Variants in CLPB observed in about 807,000 individuals in gnomAD.
CLPB encodes mitochondrial disaggregase.
Under a neutral mutation model 78.4 loss-of-function variants are expected in CLPB, and 40 were observed. The observed-to-expected ratio is 0.51, with a 90% CI of 0.40 to 0.66. The LOEUF (loss-of-function observed/expected upper bound fraction) is 0.66, where lower values mean the gene tolerates loss of function less well. CLPB is among the 30% of genes least tolerant of loss of function. The pLI is 0.00. For missense variants in CLPB, 780 were observed against 886.9 expected (o/e 0.88, Z 1.53); for synonymous variants, 333 against 348.0 (o/e 0.96, Z 0.48).
intron 3 of CLPB, among the ~76,000 whole-genome samples, chr11:72,400,332 T>A (rs1855525818): frequency 6.6e-6 from 1 of 152,178 alleles, no homozygotes; most frequent in Non-Finnish European, 1.5e-5. Flanking sequence ...ACAAAATGGA[T>A]AATTAGTCCT....
chr11:72,402,731 C>T (rs554345101), intron 3 of CLPB, among the ~76,000 whole-genome samples: 20 of 152,336 alleles, frequency 1.3e-4, no homozygotes, highest in Middle Eastern at 3.4e-3. Context: ...ATGCAAATGA[C>T]GTGCCTAAGG....
At chr11:72,414,087 T>C (rs1199304651) in intron 2 of CLPB, among the ~76,000 whole-genome samples, 1 of 152,146 alleles carries the variant, frequency 6.6e-6, no homozygotes, top group African/African-American at 2.4e-5. Flanking sequence ...GAAGCACAGA[T>C]TCCCAGAGTG....
At chr11:72,335,274 C>G (rs1353776442) in intron 5 of CLPB, among the ~76,000 whole-genome samples, 2 of 152,222 alleles carry the variant, frequency 1.3e-5, no homozygotes, top group African/African-American at 2.4e-5. Context: ...GAGCCCACTC[C>G]TCTTCTCTGG....
intron 2 of CLPB, among the ~76,000 whole-genome samples, chr11:72,413,316 C>A (rs1855931767): frequency 6.6e-6 from 1 of 151,640 alleles, no homozygotes; most frequent in Non-Finnish European, 1.5e-5. Flanking sequence ...GACAAAAAAA[C>A]AAATAAATAA....
chr11:72,402,878 A>C (rs1476753411), intron 3 of CLPB, 88 bp downstream of exon 3: 2 of 1,036,668 alleles, frequency 1.9e-6, no homozygotes, highest in African/African-American at 3.1e-5. Context: ...AAAAGACAGC[A>C]GGGAGGCACA....
At chr11:72,390,620 A>G (rs1855226438) in intron 3 of CLPB, among the ~76,000 whole-genome samples, 1 of 152,214 alleles carries the variant, frequency 6.6e-6, no homozygotes, top group African/African-American at 2.4e-5. Context: ...TTAAAATGAG[A>G]TATCACTGTA....
chr11:72,379,517 C>G (rs1178653024), intron 4 of CLPB, among the ~76,000 whole-genome samples: 1 of 152,150 alleles, frequency 6.6e-6, no homozygotes, highest in East Asian at 1.9e-4. Flanking sequence ...TGAGGCACCC[C>G]CCAACAGACA....
chr11:72,413,323 A>G lies in CLPB; in HGVS notation c.456-10271T>C, dbSNP rs72970615. ...AAAACAAAGACAAAAAAACAAATAA[A>G]TAAATAGCCTTCACTCATATCCTGT... On this transcript the variant is annotated intron_variant, in intron 2 of 15. Transcript: ENST00000538039. 8.4e-3 allele frequency among the ~76,000 whole-genome samples: 1,280 copies of G among 152,098 alleles called. 6 individuals carry two copies. Among genetic ancestry groups the G allele is most frequent in the Non-Finnish European group, 0.012 (835 of 67,960 alleles).
intron 4 of CLPB, 104 bp from the exon 5 acceptor site, chr11:72,359,112 C>T (rs758749012): frequency 6.4e-7 from 1 of 1,570,092 alleles, no homozygotes; most frequent in Non-Finnish European, 8.7e-7. Context: ...CATCTACCTA[C>T]TTACTAAGCA....
intron 7 of CLPB, among the ~76,000 whole-genome samples, chr11:72,315,912 C>A (rs1394879185): frequency 3.3e-5 from 5 of 152,158 alleles, no homozygotes; most frequent in Admixed American, 1.3e-4. Context: ...AAGTTCTGAC[C>A]CAGAGAGTGC....
chr11:72,391,581 G>C (rs2135047775), intron 3 of CLPB, among the ~76,000 whole-genome samples: 1 of 152,364 alleles, frequency 6.6e-6, no homozygotes, highest in Admixed American at 6.5e-5. Flanking sequence ...TAATTTATTT[G>C]ATGGAAAATG....
intron 2 of CLPB, among the ~76,000 whole-genome samples, chr11:72,404,253 T>C (rs1475626891): frequency 6.6e-6 from 1 of 152,146 alleles, no homozygotes; most frequent in African/African-American, 2.4e-5. Flanking sequence ...CAAGACAGCA[T>C]ATCAAAGAAC....
chr11:72,316,876 T>C (rs960108951), intron 7 of CLPB, among the ~76,000 whole-genome samples: 6 of 152,200 alleles, frequency 3.9e-5, no homozygotes, highest in African/African-American at 1.4e-4. Flanking sequence ...TTCTGTGTCT[T>C]GGCTTCCTCA....
intron 7 of CLPB, among the ~76,000 whole-genome samples, chr11:72,309,841 T>C (rs1242111000): frequency 6.6e-6 from 1 of 152,152 alleles, no homozygotes; most frequent in African/African-American, 2.4e-5. Context: ...AGCTAAGGGA[T>C]AGATGTCAGA....
chr11:72,329,843 G>C (rs573466846), intron 5 of CLPB, 39 bp from the exon 6 acceptor site: 4 of 1,502,326 alleles, frequency 2.7e-6, no homozygotes, highest in East Asian at 2.3e-5. Context: ...CTCTATGAAC[G>C]ATCAGTGGGA....
In CLPB at chr11:72,308,612, C is replaced by A. The variant is rs1315888543; in HGVS notation, c.989-8G>T. On this transcript the variant is annotated splice_region_variant and splice_polypyrimidine_tract_variant and intron_variant, in intron 7 of 15. Coordinates refer to ENST00000538039, the MANE Select transcript of CLPB (RefSeq NM_001258392.3). ...TCTCCTTCCTCCGGATCGCTACGGC[C>A]AAACACACAAGATCAGGGGACAGGG... 6.2e-7 allele frequency: 1 copy of A among 1,613,210 alleles called. No homozygotes were observed. The highest frequency in any genetic ancestry group is 2.2e-5 in the East Asian group (1 of 44,876).
In CLPB at chr11:72,434,289, C is replaced by T; in HGVS notation, c.186G>A (p.Leu62=). The change falls in exon 1 of 16, where the codon TTG becomes TTA. Residue 62 remains leucine, a synonymous_variant. Transcript: ENST00000538039. ...TGGRPGTSPA[L]FSGRGAATGG... ...CGGTGGCTGCCCCACGTCCGGAGAACAAGGCCGGCGATGTTCCAGGGCGCC... is the reference window on the plus strand; with the variant it reads ...CGGTGGCTGCCCCACGTCCGGAGAATAAGGCCGGCGATGTTCCAGGGCGCC... 1 of 1,612,852 alleles carries T rather than the reference C, an allele frequency of 6.2e-7. No homozygotes were observed. The highest frequency in any genetic ancestry group is 8.5e-7 in the Non-Finnish European group (1 of 1,179,776).
At chr11:72,300,071 C>T (rs1203726086) in intron 11 of CLPB, among the ~76,000 whole-genome samples, 1 of 152,158 alleles carries the variant, frequency 6.6e-6, no homozygotes, top group Non-Finnish European at 1.5e-5. Flanking sequence ...CTGAGACGGA[C>T]CTCGCTCTTT....
chr11:72,408,103 G>A (rs1310150247), intron 2 of CLPB: 9 of 1,532,526 alleles, frequency 5.9e-6, no homozygotes, highest in Non-Finnish European at 7.0e-6. Flanking sequence ...CAAACCTGAG[G>A]GGCCATTCAG....
Sources: gnomAD v4.1 joint callset for allele counts (sites outside exome capture counted in the v4.1 genomes callset) on GRCh38, gnomAD v4.1.1 for gene constraint, MANE v1.5 for transcripts, NCBI Gene and HGNC (gene_info 2026-07-23, HGNC 2026-07-21) for gene names.